TMEM120B: variants seen among roughly 807,000 people sequenced by gnomAD.
TMEM120B encodes transmembrane protein 120B.
Under a neutral mutation model 55.5 loss-of-function variants are expected in TMEM120B, and 31 were observed. The ratio of observed to expected loss-of-function variants is 0.56; its 90% CI spans 0.42 to 0.75. TMEM120B has a LOEUF of 0.75. TMEM120B is among the 30% of genes least tolerant of loss of function. The pLI is 0.00. For missense variants in TMEM120B, 399 were observed against 425.5 expected (o/e 0.94, Z 0.55); for synonymous variants, 203 against 176.3 (o/e 1.15, Z -1.20).
chr12:121,768,808 G>A (rs1873928929), intron 6 of TMEM120B, among the ~76,000 whole-genome samples: 3 of 151,862 alleles, frequency 2.0e-5, no homozygotes, highest in African/African-American at 7.2e-5. Flanking sequence ...CCTGATGCTG[G>A]GGGTGGGGGG....
At chr12:121,771,083 A>C in intron 7 of TMEM120B, 111 bp downstream of exon 7, 1 of 1,187,628 alleles carries the variant, frequency 8.4e-7, no homozygotes, top group Non-Finnish European at 1.2e-6. Context: ...TCCAGGGCCA[A>C]CTTGGGAAAG....
At chr12:121,753,842 T>C (rs995586737) in intron 5 of TMEM120B, among the ~76,000 whole-genome samples, 2 of 152,226 alleles carry the variant, frequency 1.3e-5, no homozygotes, top group African/African-American at 4.8e-5. Context: ...CTCACAGGGC[T>C]GTGACAATTC....
chr12:121,771,678 C>T (rs1874058347), intron 8 of TMEM120B, 129 bp downstream of exon 8: 2 of 954,308 alleles, frequency 2.1e-6, no homozygotes, highest in Non-Finnish European at 3.3e-6. Flanking sequence ...GGGAGAGGGT[C>T]CCAGAAATCC....
intron 3 of TMEM120B, among the ~76,000 whole-genome samples, chr12:121,749,120 A>G (rs1037786742): frequency 1.3e-5 from 2 of 152,040 alleles, no homozygotes; most frequent in African/African-American, 4.8e-5. Flanking sequence ...GTGCATTAGG[A>G]GGAGGGGCTC....
At chr12:121,724,969 G>T (rs773059773) in intron 1 of TMEM120B, among the ~76,000 whole-genome samples, 1 of 152,110 alleles carries the variant, frequency 6.6e-6, no homozygotes, top group Non-Finnish European at 1.5e-5. Flanking sequence ...AGTCATTTAC[G>T]TGGTTAGGAC....
At chr12:121,726,729 ACT>A (rs1894902978) in intron 1 of TMEM120B, among the ~76,000 whole-genome samples, 1 of 151,284 alleles carries the variant, frequency 6.6e-6, no homozygotes, top group Non-Finnish European at 1.5e-5. Context: ...ACATGGTGAA[ACT>A]CTGTCTCTAC....
chr12:121,761,845 T>C, intron 6 of TMEM120B, 107 bp downstream of exon 6: 1 of 833,750 alleles, frequency 1.2e-6, no homozygotes, highest in Non-Finnish European at 2.0e-6. Flanking sequence ...CCTCTCCTCC[T>C]TGGGGGTTGC....
chr12:121,737,215 A>T (rs1872771786), intron 1 of TMEM120B, among the ~76,000 whole-genome samples: 1 of 152,160 alleles, frequency 6.6e-6, no homozygotes, highest in Admixed American at 6.6e-5. Context: ...TTTTAAAACC[A>T]TCACAGTGGA....
At chr12:121,771,114 C>G (rs556688948) in intron 7 of TMEM120B, 142 bp downstream of exon 7, 6 of 919,226 alleles carry the variant, frequency 6.5e-6, no homozygotes, top group Non-Finnish European at 8.4e-6. Context: ...CCTGCAGCTG[C>G]GCCGGGCTGC....
chr12:121,723,640 T>A (rs1894837423), intron 1 of TMEM120B, among the ~76,000 whole-genome samples: 1 of 152,126 alleles, frequency 6.6e-6, no homozygotes, highest in Non-Finnish European at 1.5e-5. Flanking sequence ...GGAGGGCAGT[T>A]CCTAGGGATC....
intron 1 of TMEM120B, among the ~76,000 whole-genome samples, chr12:121,742,058 C>T (rs1266848815): frequency 1.4e-5 from 2 of 147,432 alleles, no homozygotes; most frequent in African/African-American, 2.5e-5. Context: ...GCTGGAGTGC[C>T]GTGGCACGAT....
chr12:121,760,363 C>T (rs1167142610), intron 5 of TMEM120B, among the ~76,000 whole-genome samples: 1 of 149,832 alleles, frequency 6.7e-6, no homozygotes, highest in Non-Finnish European at 1.5e-5. Context: ...GACAAGTGTG[C>T]GGTGTGCCCT....
In TMEM120B at chr12:121,738,746, G is replaced by A. The variant is rs763819498; in HGVS notation, c.70-4883G>A. Reference sequence around the variant, plus strand: ...CAAGCAAAGTTAGCATCGTGGACACGGTGTCCCTACTGGCAGGAGCCACTA... The same window carrying A: ...CAAGCAAAGTTAGCATCGTGGACACAGTGTCCCTACTGGCAGGAGCCACTA... On this transcript the variant is annotated intron_variant, in intron 1 of 11. Transcript: ENST00000449592. Among the ~76,000 whole-genome samples, 97 of 152,254 alleles carry A rather than the reference G, an allele frequency of 6.4e-4. 1 individual carries two copies. The highest frequency in any genetic ancestry group is 2.2e-4 in the Non-Finnish European group (15 of 68,028).
At position 121,775,518 on chromosome 12, in the gene TMEM120B, G is replaced by A. The variant is rs947335631; in HGVS notation, c.907-91G>A. ...AAAACCCTGCAGTTTGGGAGTTTGG[G>A]GGCAGCTGTGCTGGAGATTCTGGGG... is the stretch of plus-strand genomic sequence containing the variant. On this transcript the variant is annotated intron_variant, in intron 11 of 11. Transcript: ENST00000449592. This position sits in a 1 kb window ranked among gnomAD's most constrained non-coding sequence, Gnocchi z 4.3. The A allele has an allele frequency of 6.6e-7, 1 of 1,506,064 alleles. No individual in the cohort carries two copies. The highest frequency in any genetic ancestry group is 1.4e-5 in the African/African-American group (1 of 72,166). The allele number at this position is 1,506,064 out of a possible 1,614,324, so 93.3% of individuals were successfully genotyped here.
At chr12:121,724,443 G>T (rs1030533323) in intron 1 of TMEM120B, among the ~76,000 whole-genome samples, 1 of 151,990 alleles carries the variant, frequency 6.6e-6, no homozygotes, top group African/African-American at 2.4e-5. Flanking sequence ...CTCCCAAAGT[G>T]CTGGGATTAC....
intron 1 of TMEM120B, among the ~76,000 whole-genome samples, chr12:121,735,058 C>T (rs1042407484): frequency 6.0e-5 from 9 of 149,798 alleles, no homozygotes; most frequent in East Asian, 2.0e-4. Context: ...TGGTGGCATG[C>T]GCCTGTAGTC....
chr12:121,775,087 C>G lies in TMEM120B; in HGVS notation c.863C>G (p.Thr288Arg). 2.5e-6 allele frequency: 4 copies of G among 1,606,330 alleles called. No individual in the cohort carries two copies. The highest frequency in any genetic ancestry group is 1.7e-5 in the Admixed American group (1 of 58,770). The stretch of plus-strand genomic sequence containing the variant: ...TTCTGGCAGCTCTACAATGCCGTCA[C>G]GCTGTTTGAGCTCTCCAGCCACGAG... ...GHFWQLYNAV[T>R]LFELSSHEEC... The change falls in exon 11 of 12, where the codon ACG becomes AGG. Residue 288 changes from threonine to arginine, a missense_variant. By Grantham distance (71) the Thr-to-Arg change is moderately conservative. Transcript: ENST00000449592. The surrounding 1 kb of genome is among the most constrained non-coding windows in gnomAD (Gnocchi z 4.3).
At chr12:121,743,605 T>TC in intron 1 of TMEM120B, 24 bp from the exon 2 acceptor site, 1 of 1,571,756 alleles carries the variant, frequency 6.4e-7, no homozygotes, top group Non-Finnish European at 8.7e-7. Flanking sequence ...CCACACACCC[T>TC]CCCCCGGGTC....
Position 121,757,141 on chromosome 12 carries a change from G to C in TMEM120B, c.462-4508G>C, listed in dbSNP as rs917180083. ...AGGGAGCTCGGCCTCCCTGGGCGGTGGGGGGGGGGGGTGTCACTTATTTAT... is the reference window on the plus strand; with the variant it reads ...AGGGAGCTCGGCCTCCCTGGGCGGTCGGGGGGGGGGGTGTCACTTATTTAT... On this transcript the variant is annotated intron_variant, in intron 5 of 11. Transcript: ENST00000449592. Among the ~76,000 whole-genome samples, 36 of 18,014 alleles carry C rather than the reference G, an allele frequency of 2.0e-3. No individual in the cohort carries two copies. The East Asian group carries it at 0.067, about 33-fold the overall frequency. The allele number at this position is 18,014 out of a possible 152,430, so 11.8% of individuals were successfully genotyped here. A position where few individuals can be genotyped will look rare whatever the true frequency, so the allele number is the denominator to read the frequency against.
Sources: gnomAD v4.1 joint callset for allele counts (sites outside exome capture counted in the v4.1 genomes callset) on GRCh38, gnomAD v4.1.1 for gene constraint, Gnocchi (gnomAD v3.1) non-coding constraint, MANE v1.5 for transcripts, NCBI Gene and HGNC (gene_info 2026-07-23, HGNC 2026-07-21) for gene names.